The following ESYT2 variants were observed in gnomAD, a reference collection of about 807,000 sequenced individuals.
ESYT2 encodes extended synaptotagmin-2.
A neutral mutation model predicts 107.2 loss-of-function variants in ESYT2; 54 were observed. The observed-to-expected ratio is 0.50, with a 90% CI of 0.40 to 0.63. The LOEUF is 0.63. ESYT2 is among the 30% of genes least tolerant of loss of function. The pLI is 0.00. For synonymous variants in ESYT2, 491 were observed against 434.1 expected (o/e 1.13, Z -1.63); for missense variants, 1,020 against 1,094.5 (o/e 0.93, Z 0.96).
At chr7:158,748,113 C>T (rs1371892322) in intron 16 of ESYT2, 81 bp downstream of exon 16, 33 of 1,294,182 alleles carry the variant, frequency 2.5e-5, no homozygotes, top group South Asian at 5.0e-5. Flanking sequence ...GGTGTATACA[C>T]GGGTCACAAC....
Position 158,829,320 on chromosome 7 carries a change from C to T in ESYT2, c.99G>A (p.Leu33=). Residue 33 remains leucine (L), a synonymous_variant, in exon 1 of 23, where the codon CTG becomes CTA. Coordinates refer to ENST00000275418, the MANE Select transcript of ESYT2 (RefSeq NM_001367773.1). ...GCGCCAGCTGCGCCAGCAGCCCGGG[C>T]AGCTCCACGCTCAGCACGCCCCCGG... The part of the protein sequence containing the change: ...ENPGGVLSVE[L]PGLLAQLARS... 12 of 1,492,496 alleles carry T rather than the reference C, an allele frequency of 8.0e-6. No homozygotes were observed. The highest frequency in any genetic ancestry group is 1.1e-5 in the Non-Finnish European group (12 of 1,129,638). 92.5% of individuals were successfully genotyped at this position (1,492,496 alleles called of 1,614,324 possible).
At position 158,759,984 on chromosome 7, in the gene ESYT2, C is replaced by T. The variant is rs565399936; in HGVS notation, c.1323+74G>A. 1.7e-5 allele frequency: 23 copies of T among 1,363,404 alleles called. No homozygotes were observed. In the South Asian group the frequency reaches 1.8e-4, roughly 11 times the overall value. 84.5% of individuals were successfully genotyped at this position (1,363,404 alleles called of 1,614,324 possible). ...ATTGTTAAAAAATCAAGTAGCAACA[C>T]AACTGAGAGACCAAGCTCAGTTATG... On this transcript the variant is annotated intron_variant, in intron 12 of 22. Transcript: ENST00000275418.
chr7:158,824,990 C>T (rs981952694), intron 1 of ESYT2, among the ~76,000 whole-genome samples: 13 of 152,220 alleles, frequency 8.5e-5, no homozygotes, highest in African/African-American at 3.1e-4. Flanking sequence ...CGAGAACCGC[C>T]TCTCTTTAAA....
chr7:158,815,147 G>A (rs564286008), intron 1 of ESYT2, among the ~76,000 whole-genome samples: 1 of 152,310 alleles, frequency 6.6e-6, no homozygotes, highest in African/African-American at 2.4e-5. Context: ...GTTTTCTCAC[G>A]GGTTTTCTGT....
chr7:158,815,910 G>A (rs1840137545), intron 1 of ESYT2, among the ~76,000 whole-genome samples: 1 of 152,226 alleles, frequency 6.6e-6, no homozygotes, highest in African/African-American at 2.4e-5. Context: ...CACGGGGAAA[G>A]TGCTGGAACT....
At chr7:158,744,263 T>G (rs555695294) in intron 16 of ESYT2, 1 of 152,262 alleles carries the variant, frequency 6.6e-6, no homozygotes, top group East Asian at 1.9e-4. Flanking sequence ...TCATTATAGA[T>G]TACAATGAGC....
rs113291704 is a variant in ESYT2, at chr7:158,733,754, T to C, written c.*453A>G. Reference sequence around the variant, plus strand: ...TTTGCTGCCAAGATGAAAATGATTATTTGTCACACGAATTTAATAAGTTTT... The same window carrying C: ...TTTGCTGCCAAGATGAAAATGATTACTTGTCACACGAATTTAATAAGTTTT... On this transcript the variant is annotated 3_prime_UTR_variant, in exon 23 of 23. Coordinates refer to ENST00000275418, the MANE Select transcript of ESYT2 (RefSeq NM_001367773.1). 21 of 153,004 alleles carry C rather than the reference T, an allele frequency of 1.4e-4. No individual in the cohort carries two copies. Among genetic ancestry groups the C allele is most frequent in the African/African-American group, 4.6e-4 (19 of 41,604 alleles). The allele number at this position is 153,004 out of a possible 1,614,324, so 9.5% of individuals were successfully genotyped here. A position where few individuals can be genotyped will look rare whatever the true frequency, so the allele number is the denominator to read the frequency against.
At chr7:158,779,104 A>C (rs1838679018) in intron 6 of ESYT2, among the ~76,000 whole-genome samples, 1 of 152,228 alleles carries the variant, frequency 6.6e-6, no homozygotes. Flanking sequence ...TAGGCAAACT[A>C]TCTAGATAAA....
chr7:158,802,956 C>T (rs938339275), intron 1 of ESYT2, among the ~76,000 whole-genome samples: 1 of 152,242 alleles, frequency 6.6e-6, no homozygotes, highest in Non-Finnish European at 1.5e-5. Flanking sequence ...CTCAATGCTG[C>T]ATAACCCTTT....
At chr7:158,734,978 T>C (rs1029523498) in intron 21 of ESYT2, among the ~76,000 whole-genome samples, 3 of 152,158 alleles carry the variant, frequency 2.0e-5, no homozygotes, top group African/African-American at 7.2e-5. Flanking sequence ...ATCTAAGAAA[T>C]CCTTCATGCA....
rs113854923 is a variant in ESYT2 at position 158,818,411 on chromosome 7, G to A, written c.330+10678C>T. On this transcript the variant is annotated intron_variant, in intron 1 of 22. Coordinates refer to ENST00000275418, the MANE Select transcript of ESYT2 (RefSeq NM_001367773.1). ...AATTTTACGGCACACATACTTGCAA[G>A]TGTTAATAACAACAAAGCATTATGG... 4.8e-3 allele frequency among the ~76,000 whole-genome samples: 724 copies of A among 152,322 alleles called. 3 individuals carry two copies. Among genetic ancestry groups the A allele is most frequent in the African/African-American group, 0.017 (700 of 41,564 alleles).
chr7:158,758,670 C>T (rs188237984), intron 13 of ESYT2, among the ~76,000 whole-genome samples: 110 of 152,218 alleles, frequency 7.2e-4, no homozygotes, highest in African/African-American at 2.6e-3. Context: ...GCTGTGGACA[C>T]GATGAAATAA....
chr7:158,738,356 C>G (rs1215145623), intron 19 of ESYT2, among the ~76,000 whole-genome samples: 18 of 150,046 alleles, frequency 1.2e-4, no homozygotes, highest in Non-Finnish European at 2.1e-4. Context: ...CACACACACA[C>G]ACACACACAC....
At chr7:158,823,489 G>C (rs965922481) in intron 1 of ESYT2, among the ~76,000 whole-genome samples, 1 of 151,266 alleles carries the variant, frequency 6.6e-6, no homozygotes, top group African/African-American at 2.4e-5. Context: ...GCCACGCCCG[G>C]CTAATTTTTT....
chr7:158,808,626 T>C (rs1436136502), intron 1 of ESYT2, among the ~76,000 whole-genome samples: 1 of 152,162 alleles, frequency 6.6e-6, no homozygotes, highest in Non-Finnish European at 1.5e-5. Context: ...TGCTGTCACA[T>C]GTCAAACTTT....
chr7:158,821,913 A>AT (rs1209231248), intron 1 of ESYT2, among the ~76,000 whole-genome samples: 1 of 152,182 alleles, frequency 6.6e-6, no homozygotes, highest in African/African-American at 2.4e-5. Context: ...CCGTAAATTT[A>AT]TAACACGCCC....
intron 1 of ESYT2, among the ~76,000 whole-genome samples, chr7:158,819,930 T>C (rs1434349869): frequency 6.6e-6 from 1 of 152,228 alleles, no homozygotes; most frequent in African/African-American, 2.4e-5. Flanking sequence ...ACATCTGCTG[T>C]TGGTGTGGTT....
intron 16 of ESYT2, among the ~76,000 whole-genome samples, chr7:158,747,566 C>G (rs117615915): frequency 6.6e-6 from 1 of 152,282 alleles, no homozygotes; most frequent in East Asian, 1.9e-4. Context: ...CACCACAGCA[C>G]TGGCGAGATG....
intron 8 of ESYT2, among the ~76,000 whole-genome samples, chr7:158,767,014 C>G (rs543563082): frequency 9.8e-5 from 15 of 152,350 alleles, no homozygotes; most frequent in Admixed American, 7.8e-4. Context: ...GTATCTGCAA[C>G]CAGCTCTGTG....
Sources: gnomAD v4.1 joint callset for allele counts (sites outside exome capture counted in the v4.1 genomes callset) on GRCh38, gnomAD v4.1.1 for gene constraint, MANE v1.5 for transcripts, NCBI Gene and HGNC (gene_info 2026-07-23, HGNC 2026-07-21) for gene names.